The following SGCZ variants were observed in gnomAD, a reference collection of about 807,000 sequenced individuals.
SGCZ encodes the protein sarcoglycan zeta.
A neutral mutation model predicts 41.3 loss-of-function variants in SGCZ; 40 were observed. The observed-to-expected ratio is 0.97, with a 90% CI of 0.75 to 1.26. The LOEUF is 1.26. Among genes scored for constraint, SGCZ ranks in the 50% most tolerant of loss-of-function variants. SGCZ has a pLI of 0.00. For synonymous variants in SGCZ, 206 were observed against 137.5 expected, an observed-to-expected ratio of 1.50 and a Z score of -3.49; for missense variants, 552 against 369.8, an observed-to-expected ratio of 1.49 and a Z score of -4.04.
At chr8:14,631,143 T>C (rs897044163) in intron 1 of SGCZ, among the ~76,000 whole-genome samples, 1 of 152,092 alleles carries the variant, frequency 6.6e-6, no homozygotes, top group African/African-American at 2.4e-5. Flanking sequence ...AAGAGTACTA[T>C]TCATTGCGCC....
chr8:14,833,749 A>G (rs961084217), intron 1 of SGCZ, among the ~76,000 whole-genome samples: 2 of 152,146 alleles, frequency 1.3e-5, no homozygotes, highest in African/African-American at 4.8e-5. Context: ...CAAGTGGAGG[A>G]AACTTCAAAG....
At chr8:15,151,103 G>A (rs144457144) in intron 1 of SGCZ, among the ~76,000 whole-genome samples, 56 of 152,324 alleles carry the variant, frequency 3.7e-4, no homozygotes, top group African/African-American at 1.3e-3. Context: ...TCGCTGGAGC[G>A]GCCTCGGAGG....
intron 2 of SGCZ, among the ~76,000 whole-genome samples, chr8:14,483,847 G>C (rs190574720): frequency 2.0e-5 from 3 of 152,022 alleles, no homozygotes; most frequent in African/African-American, 4.8e-5. Context: ...CTGAAAATAA[G>C]GTTGTTTTGA....
At chr8:15,199,618 G>C (rs1563180138) in intron 1 of SGCZ, among the ~76,000 whole-genome samples, 1 of 151,992 alleles carries the variant, frequency 6.6e-6, no homozygotes, top group African/African-American at 2.4e-5. Context: ...TTATAAATAA[G>C]AAATAATCCA....
chr8:14,523,830 T>C (rs1037768481), intron 2 of SGCZ, among the ~76,000 whole-genome samples: 2 of 152,132 alleles, frequency 1.3e-5, no homozygotes, highest in Admixed American at 1.3e-4. Context: ...GAATGATAGA[T>C]CTATTGTTTG....
At chr8:14,863,025 T>C (rs879513669) in intron 1 of SGCZ, among the ~76,000 whole-genome samples, 3 of 152,138 alleles carry the variant, frequency 2.0e-5, no homozygotes, top group African/African-American at 4.8e-5. Context: ...TTTGAAATCA[T>C]ATTGATTACT....
At chr8:15,207,011 T>C (rs1208032961) in intron 1 of SGCZ, among the ~76,000 whole-genome samples, 1 of 152,150 alleles carries the variant, frequency 6.6e-6, no homozygotes, top group African/African-American at 2.4e-5. Context: ...AGAGATATTG[T>C]CAAGAAATAA....
chr8:14,716,457 C>T (rs1421036009), intron 1 of SGCZ, among the ~76,000 whole-genome samples: 1 of 151,974 alleles, frequency 6.6e-6, no homozygotes, highest in Non-Finnish European at 1.5e-5. Flanking sequence ...TGAATGCACA[C>T]TTACTGTTAT....
chr8:14,746,309 T>C (rs1039324111), intron 1 of SGCZ, among the ~76,000 whole-genome samples: 5 of 152,118 alleles, frequency 3.3e-5, no homozygotes, highest in Admixed American at 1.3e-4. Context: ...TGCGTAAGTT[T>C]CACACATTTT....
intron 1 of SGCZ, among the ~76,000 whole-genome samples, chr8:14,929,125 G>A (rs931542486): frequency 2.6e-5 from 4 of 152,094 alleles, no homozygotes; most frequent in African/African-American, 9.7e-5. Flanking sequence ...CTGAGTAGCT[G>A]GGACTAGAAG....
At chr8:14,331,629 A>G (rs1025751871) in intron 2 of SGCZ, among the ~76,000 whole-genome samples, 1 of 152,082 alleles carries the variant, frequency 6.6e-6, no homozygotes, top group Non-Finnish European at 1.5e-5. Flanking sequence ...ATTTTTATAG[A>G]TTGCTGTTAA....
chr8:14,364,944 C>A (rs867518389), intron 2 of SGCZ, among the ~76,000 whole-genome samples: 8 of 151,994 alleles, frequency 5.3e-5, no homozygotes, highest in Admixed American at 6.6e-5. Context: ...CAAAATAATT[C>A]TTCTACATTC....
chr8:14,545,454 C>G (rs1479570209), intron 2 of SGCZ, among the ~76,000 whole-genome samples: 1 of 150,656 alleles, frequency 6.6e-6, no homozygotes, highest in African/African-American at 2.4e-5. Flanking sequence ...ATAAACCCTT[C>G]TTAAGATTAT....
intron 3 of SGCZ, among the ~76,000 whole-genome samples, chr8:14,300,105 G>A (rs1801136513): frequency 6.6e-6 from 1 of 151,950 alleles, no homozygotes; most frequent in South Asian, 2.1e-4. Flanking sequence ...CCTGAAGTGG[G>A]CTTTAGGAAA....
Position 14,203,320 on chromosome 8 carries a change from G to C in SGCZ, c.424+34272C>G, listed in dbSNP as rs188352827. Among the ~76,000 whole-genome samples, 394 of 152,240 alleles carry C rather than the reference G, an allele frequency of 2.6e-3. 1 individual carries two copies. The highest frequency in any genetic ancestry group is 3.9e-3 in the Non-Finnish European group (266 of 68,024). On this transcript the variant is annotated intron_variant, in intron 4 of 7. Coordinates refer to ENST00000382080, the MANE Select transcript of SGCZ (RefSeq NM_139167.4). The stretch of plus-strand genomic sequence containing the variant: ...CTGTTAAGACGAGAAGAGTGTAGGA[G>C]ATCTTTTCTTATCTACGTTCATAAA...
intron 2 of SGCZ, among the ~76,000 whole-genome samples, chr8:14,395,741 C>T (rs893046084): frequency 5.3e-5 from 8 of 152,132 alleles, no homozygotes; most frequent in African/African-American, 1.4e-4. Flanking sequence ...CATAACCAGA[C>T]ATCAGATGGC....
intron 2 of SGCZ, among the ~76,000 whole-genome samples, chr8:14,375,094 A>G (rs2117172908): frequency 6.6e-6 from 1 of 150,412 alleles, no homozygotes; most frequent in South Asian, 2.1e-4. Flanking sequence ...GAAAAGGGGG[A>G]CAATCAGATA....
chr8:14,417,080 T>G (rs1290256790), intron 2 of SGCZ, among the ~76,000 whole-genome samples: 1 of 151,798 alleles, frequency 6.6e-6, no homozygotes, highest in African/African-American at 2.4e-5. Flanking sequence ...GCAAGACATA[T>G]GAAGGGACGT....
In SGCZ at chr8:14,932,663, A is replaced by C. The variant is rs928972389; in HGVS notation, c.39+304922T>G. 8.7e-4 allele frequency among the ~76,000 whole-genome samples: 132 copies of C among 152,190 alleles called. 4 individuals are homozygous for C. The highest frequency in any genetic ancestry group is 3.1e-3 in the African/African-American group (130 of 41,444). On this transcript the variant is annotated intron_variant, in intron 1 of 7. Coordinates refer to ENST00000382080, the MANE Select transcript of SGCZ (RefSeq NM_139167.4). The stretch of plus-strand genomic sequence containing the variant: ...ACAAAAATAAATGTGTAAAGTGCTA[A>C]TAGTGTAGGATTGTGGATCCAACAG...
Sources: gnomAD v4.1 joint callset for allele counts (sites outside exome capture counted in the v4.1 genomes callset) on GRCh38, gnomAD v4.1.1 for gene constraint, MANE v1.5 for transcripts, NCBI Gene and HGNC (gene_info 2026-07-23, HGNC 2026-07-21) for gene names.